The following FMNL2 variants were observed in gnomAD, a reference collection of about 807,000 sequenced individuals.
FMNL2 encodes formin-like protein 2.
In FMNL2, 51 loss-of-function variants were observed where a neutral mutation model predicts 130.2. That is an observed-to-expected ratio of 0.39 (90% CI 0.31 to 0.49). The LOEUF is 0.49. FMNL2 is among the 20% of genes least tolerant of loss of function. The pLI, the probability that FMNL2 is intolerant of heterozygous loss-of-function variation, is 0.85. For missense variants in FMNL2, 977 were observed against 1,316.2 expected (o/e 0.74, Z 3.99); for synonymous variants, 465 against 467.1 (o/e 1.00, Z 0.06).
chr2:152,556,481 G>T (rs1209084837), intron 4 of FMNL2, among the ~76,000 whole-genome samples: 1 of 152,170 alleles, frequency 6.6e-6, no homozygotes, highest in Non-Finnish European at 1.5e-5. Flanking sequence ...AAGTGGTGAT[G>T]GGGGCATGGA....
At chr2:152,571,824 A>T (rs749688372) in intron 6 of FMNL2, among the ~76,000 whole-genome samples, 5 of 152,206 alleles carry the variant, frequency 3.3e-5, no homozygotes, top group African/African-American at 1.2e-4. Context: ...TCATGTATAT[A>T]CATTATTTTA....
At chr2:152,602,442 T>C (rs1375382099) in intron 9 of FMNL2, among the ~76,000 whole-genome samples, 1 of 152,230 alleles carries the variant, frequency 6.6e-6, no homozygotes, top group Non-Finnish European at 1.5e-5. Flanking sequence ...GTCTAATTCC[T>C]GATAGGGCAG....
chr2:152,564,944 G>A (rs1373116267), intron 6 of FMNL2, among the ~76,000 whole-genome samples: 1 of 151,942 alleles, frequency 6.6e-6, no homozygotes, highest in East Asian at 1.9e-4. Context: ...CCATGTATTT[G>A]TCAGCTTGGC....
rs541144770 is a variant in FMNL2, at chr2:152,584,013, G to C, written c.876+2964G>C. Among the ~76,000 whole-genome samples the C allele has an allele frequency of 2.0e-5, 3 of 152,268 alleles. No individual in the cohort carries two copies. The East Asian group carries it at 5.8e-4, about 29-fold the overall frequency. ...AGCCTCAACCGATTTATCCAATCTTGAGGTGCAAAAGGTGTTATTCTGTGT... is the reference window on the plus strand; with the variant it reads ...AGCCTCAACCGATTTATCCAATCTTCAGGTGCAAAAGGTGTTATTCTGTGT... On this transcript the variant is annotated intron_variant, in intron 9 of 25. Coordinates refer to ENST00000288670, the MANE Select transcript of FMNL2 (RefSeq NM_052905.4).
chr2:152,583,687 C>A (rs1239755511), intron 9 of FMNL2, among the ~76,000 whole-genome samples: 1 of 152,160 alleles, frequency 6.6e-6, no homozygotes, highest in East Asian at 1.9e-4. Context: ...CTAGGAGAAA[C>A]CTGGATCAAA....
At chr2:152,336,477 T>G (rs1230916077) in intron 1 of FMNL2, among the ~76,000 whole-genome samples, 1 of 152,172 alleles carries the variant, frequency 6.6e-6, no homozygotes, top group East Asian at 1.9e-4. Context: ...CCCCTCCTCT[T>G]GCACGCCCAG....
At chr2:152,597,652 C>A (rs79706230) in intron 9 of FMNL2, among the ~76,000 whole-genome samples, 1 of 152,150 alleles carries the variant, frequency 6.6e-6, no homozygotes, top group Non-Finnish European at 1.5e-5. Context: ...TTTGTGCCAC[C>A]AGTGCCAACT....
At chr2:152,545,646 G>C (rs1035116558) in intron 3 of FMNL2, among the ~76,000 whole-genome samples, 1 of 152,126 alleles carries the variant, frequency 6.6e-6, no homozygotes. Flanking sequence ...GCTCATCCTG[G>C]GCTCAGCTGC....
chr2:152,487,270 TAAAAA>T (rs1314613915), intron 1 of FMNL2, among the ~76,000 whole-genome samples: 4 of 152,218 alleles, frequency 2.6e-5, no homozygotes, highest in Non-Finnish European at 5.9e-5. Flanking sequence ...ACTCAGTACT[TAAAAA>T]TAAATTTAAT....
Position 152,404,315 on chromosome 2 carries a change from T to C in FMNL2, c.117+68595T>C, listed in dbSNP as rs1685867859. On this transcript the variant is annotated intron_variant, in intron 1 of 25. Coordinates refer to ENST00000288670, the MANE Select transcript of FMNL2 (RefSeq NM_052905.4). ...CTTTTCCTTTCCTACATAAACATTT[T>C]GTTTTTTGGTTATCTTGTATCTCCT... Among the ~76,000 whole-genome samples the C allele has an allele frequency of 3.3e-5, 5 of 152,240 alleles. No homozygotes were observed. The South Asian group carries it at 1.0e-3, about 31-fold the overall frequency.
At chr2:152,350,986 A>C (rs574197869) in intron 1 of FMNL2, among the ~76,000 whole-genome samples, 1 of 152,326 alleles carries the variant, frequency 6.6e-6, no homozygotes, top group South Asian at 2.1e-4. Context: ...CGGAGGCTGC[A>C]GTGAGCTGAG....
At chr2:152,474,921 A>G (rs972009095) in intron 1 of FMNL2, among the ~76,000 whole-genome samples, 38 of 152,212 alleles carry the variant, frequency 2.5e-4, no homozygotes, top group Admixed American at 2.2e-3. Context: ...AGTTGATTGC[A>G]AGGTTTTTGT....
intron 1 of FMNL2, among the ~76,000 whole-genome samples, chr2:152,512,291 G>A (rs1434628428): frequency 6.6e-6 from 1 of 152,198 alleles, no homozygotes; most frequent in African/African-American, 2.4e-5. Flanking sequence ...AAAATTGCAT[G>A]AGTGATTCTT....
At chr2:152,346,935 C>A (rs758045683) in intron 1 of FMNL2, among the ~76,000 whole-genome samples, 1 of 151,120 alleles carries the variant, frequency 6.6e-6, no homozygotes. Context: ...ACTAAAGATA[C>A]AAAAAATTAG....
At chr2:152,516,286 T>C (rs902432818) in intron 1 of FMNL2, among the ~76,000 whole-genome samples, 3 of 152,180 alleles carry the variant, frequency 2.0e-5, no homozygotes, top group Non-Finnish European at 4.4e-5. Flanking sequence ...ATGAGGTAAA[T>C]TTTATATTAT....
At chr2:152,606,353 A>G (rs1479870451) in intron 9 of FMNL2, among the ~76,000 whole-genome samples, 3 of 152,246 alleles carry the variant, frequency 2.0e-5, no homozygotes, top group Admixed American at 6.5e-5. Context: ...ACCAGTGGGT[A>G]TAGGACTTTG....
At chr2:152,546,679 C>T (rs1348571309) in intron 3 of FMNL2, among the ~76,000 whole-genome samples, 1 of 152,112 alleles carries the variant, frequency 6.6e-6, no homozygotes, top group Non-Finnish European at 1.5e-5. Flanking sequence ...CTGACAACCA[C>T]CTGTGCAGGC....
At chr2:152,613,741 C>T (rs1471439285) in intron 11 of FMNL2, among the ~76,000 whole-genome samples, 1 of 152,186 alleles carries the variant, frequency 6.6e-6, no homozygotes, top group Non-Finnish European at 1.5e-5. Context: ...AAAACCCAGC[C>T]TTGTAAGTAG....
rs577939159 is a variant in FMNL2 at position 152,536,863 on chromosome 2, T to A, written c.202-5876T>A. Among the ~76,000 whole-genome samples the A allele has an allele frequency of 3.3e-5, 5 of 152,332 alleles. No individual in the cohort carries two copies. The South Asian group carries it at 1.0e-3, about 32-fold the overall frequency. ...GTTTGATTGTGTATCCAAATGTGAT[T>A]TATGGAGCGGAAATGCTTATAACAT... is the stretch of plus-strand genomic sequence containing the variant. On this transcript the variant is annotated intron_variant, in intron 2 of 25. Coordinates refer to ENST00000288670, the MANE Select transcript of FMNL2 (RefSeq NM_052905.4).
Sources: gnomAD v4.1 joint callset for allele counts (sites outside exome capture counted in the v4.1 genomes callset) on GRCh38, gnomAD v4.1.1 for gene constraint, MANE v1.5 for transcripts, NCBI Gene and HGNC (gene_info 2026-07-23, HGNC 2026-07-21) for gene names.